Variants in PDE1C observed in about 807,000 individuals in gnomAD.
PDE1C encodes the protein phosphodiesterase 1C.
In PDE1C, 62 loss-of-function variants were observed where a neutral mutation model predicts 93.1. The observed-to-expected ratio is 0.67, with a 90% CI of 0.54 to 0.82. PDE1C has a LOEUF of 0.82. PDE1C is among the 40% of genes least tolerant of loss of function. The pLI is 0.00. For synonymous variants in PDE1C, 325 were observed against 310.1 expected (o/e 1.05, Z -0.50); for missense variants, 742 against 884.6 (o/e 0.84, Z 2.04).
At position 31,857,863 on chromosome 7, in the gene PDE1C, C is replaced by T. The variant is rs76776841; in HGVS notation, c.750+7079G>A. Among the ~76,000 whole-genome samples, 798 of 152,228 alleles carry T rather than the reference C, an allele frequency of 5.2e-3. 7 individuals are homozygous for T. The highest frequency in any genetic ancestry group is 0.016 in the African/African-American group (684 of 41,534). On this transcript the variant is annotated intron_variant, in intron 7 of 17. Coordinates refer to ENST00000396191, the MANE Select transcript of PDE1C (RefSeq NM_001191057.4). ...AGTTTTCAAAACGTGTAGGTACATTCATAAATATGTAAGTTTGCTAAGACA... is the reference window on the plus strand; with the variant it reads ...AGTTTTCAAAACGTGTAGGTACATTTATAAATATGTAAGTTTGCTAAGACA...
rs76655718 is a variant in PDE1C, at chr7:31,778,440, C to G, written c.1892-2708G>C. ...GTGACACTGTGACATTTGGGCTGTA[C>G]AATTCTTTGTGGTGGGGGCTGTCCT... On this transcript the variant is annotated intron_variant, in intron 16 of 17. Transcript: ENST00000396191. 8.6e-3 allele frequency among the ~76,000 whole-genome samples: 1,309 copies of G among 152,236 alleles called. 18 individuals carry two copies. Among genetic ancestry groups the G allele is most frequent in the African/African-American group, 0.03 (1,231 of 41,516 alleles).
At chr7:31,680,331 T>C in the PDE1C span, among the ~76,000 whole-genome samples, 5 of 152,146 alleles carry the variant, frequency 3.3e-5, no homozygotes, top group African/African-American at 1.2e-4. Flanking sequence ...ACCCGTTTCA[T>C]TGATGCAGGA....
At chr7:32,325,041 G>C (rs1005270126) in intron 1 of PDE1C, among the ~76,000 whole-genome samples, 4 of 152,222 alleles carry the variant, frequency 2.6e-5, no homozygotes, top group Admixed American at 6.5e-5. Flanking sequence ...GTTGAAAACT[G>C]TTCCTCAATA....
At chr7:32,339,163 T>C (rs1783693288) in intron 1 of PDE1C, among the ~76,000 whole-genome samples, 1 of 152,156 alleles carries the variant, frequency 6.6e-6, no homozygotes, top group East Asian at 1.9e-4. Context: ...ACCTTGATGA[T>C]ATTATGTAAA....
At chr7:31,781,464 T>C (rs1373349732) in intron 16 of PDE1C, among the ~76,000 whole-genome samples, 1 of 152,210 alleles carries the variant, frequency 6.6e-6, no homozygotes, top group Non-Finnish European at 1.5e-5. Context: ...AATGACTGCC[T>C]TTCTGATACC....
chr7:31,998,831 T>C (rs1376127122), intron 2 of PDE1C, among the ~76,000 whole-genome samples: 1 of 152,198 alleles, frequency 6.6e-6, no homozygotes, highest in African/African-American at 2.4e-5. Context: ...TCTCAAATGA[T>C]GAAAGCAAAT....
At chr7:31,633,165 G>A in the PDE1C span, among the ~76,000 whole-genome samples, 36,651 of 151,894 alleles carry the variant, frequency 0.24, 5,560 homozygotes, top group Non-Finnish European at 0.33. Flanking sequence ...GATTACAGGC[G>A]TGAGCTACCG....
chr7:31,776,295 G>A (rs62448795), intron 16 of PDE1C, among the ~76,000 whole-genome samples: 16,760 of 152,124 alleles, frequency 0.11, 2,485 homozygotes, highest in African/African-American at 0.33. Context: ...GACAACAATT[G>A]CGTCGAAGTG....
chr7:32,236,198 A>G (rs1291664285), intron 1 of PDE1C, among the ~76,000 whole-genome samples: 3 of 152,148 alleles, frequency 2.0e-5, no homozygotes, highest in Non-Finnish European at 4.4e-5. Flanking sequence ...ATCTTTAAAG[A>G]CCACCTAAAT....
chr7:31,661,722 AAATAT>A, the PDE1C span, among the ~76,000 whole-genome samples: 3 of 152,212 alleles, frequency 2.0e-5, no homozygotes, highest in African/African-American at 7.2e-5. Context: ...CTCAAAAAAT[AAATAT>A]AATAATATTG....
the PDE1C span, among the ~76,000 whole-genome samples, chr7:31,731,793 G>GC: frequency 0.042 from 3 of 72 alleles, no homozygotes; most frequent in Middle Eastern, 0.5. Flanking sequence ...CTTGCCGTCA[G>GC]CCAATGTGGC....
intron 7 of PDE1C, among the ~76,000 whole-genome samples, chr7:31,851,786 T>C (rs1048136352): frequency 1.3e-5 from 2 of 152,200 alleles, no homozygotes; most frequent in African/African-American, 4.8e-5. Context: ...GAACCTAAGT[T>C]TAATGCTTTG....
At chr7:31,705,307 C>T in the PDE1C span, among the ~76,000 whole-genome samples, 1 of 152,162 alleles carries the variant, frequency 6.6e-6, no homozygotes, top group Non-Finnish European at 1.5e-5. Context: ...CTCTTGCCCA[C>T]TTTGAATCAA....
At chr7:32,208,719 C>T (rs536203648) in intron 2 of PDE1C, among the ~76,000 whole-genome samples, 4 of 152,140 alleles carry the variant, frequency 2.6e-5, no homozygotes, top group Admixed American at 6.5e-5. Flanking sequence ...TTTTCCCCCC[C>T]CTTCTTTGGA....
upstream of PDE1C, among the ~76,000 whole-genome samples, chr7:32,072,572 T>G (rs1417575285): frequency 6.6e-6 from 1 of 152,198 alleles, no homozygotes; most frequent in Non-Finnish European, 1.5e-5. Flanking sequence ...CATTAGTGTG[T>G]GCACCTTGGG....
intron 2 of PDE1C, among the ~76,000 whole-genome samples, chr7:31,882,706 G>C (rs566418051): frequency 2.0e-5 from 3 of 152,164 alleles, no homozygotes; most frequent in South Asian, 2.1e-4. Context: ...GTTCTATCAG[G>C]AACTGACATG....
chr7:32,233,660 T>A (rs1464670186), intron 1 of PDE1C, among the ~76,000 whole-genome samples: 1 of 151,892 alleles, frequency 6.6e-6, no homozygotes, highest in Non-Finnish European at 1.5e-5. Context: ...CATACAGATA[T>A]AACAACAAAG....
chr7:31,702,012 T>C, the PDE1C span, among the ~76,000 whole-genome samples: 1 of 152,180 alleles, frequency 6.6e-6, no homozygotes, highest in African/African-American at 2.4e-5. Context: ...ATGCCTGTAA[T>C]AAAATTTTTT....
At chr7:32,346,999 T>C (rs1056560134) in intron 1 of PDE1C, among the ~76,000 whole-genome samples, 14 of 152,348 alleles carry the variant, frequency 9.2e-5, no homozygotes, top group African/African-American at 3.4e-4. Context: ...CAAAACTAGA[T>C]TGTGATGATA....
Sources: allele counts gnomAD v4.1 joint callset (sites outside exome capture counted in the v4.1 genomes callset), GRCh38; gene constraint gnomAD v4.1.1; transcripts MANE v1.5; gene names NCBI Gene and HGNC (gene_info 2026-07-23, HGNC 2026-07-21).